Variants in HCN2 observed in about 807,000 individuals in gnomAD.
HCN2 encodes the protein potassium/sodium hyperpolarization-activated cyclic nucleotide-gated channel 2.
A neutral mutation model predicts 52.3 loss-of-function variants in HCN2; 20 were observed. That is an observed-to-expected ratio of 0.38 (90% CI 0.27 to 0.56). HCN2 has a LOEUF of 0.56. Among genes scored for constraint, HCN2 ranks in the 20% least tolerant of loss-of-function variants. HCN2 has a pLI of 0.71. For synonymous variants in HCN2, 694 were observed against 537.0 expected (o/e 1.29, Z -4.04); for missense variants, 981 against 1,207.7 (o/e 0.81, Z 2.78).
chr19:609,075 C>T (rs779830583), intron 4 of HCN2, among the ~76,000 whole-genome samples: 15 of 152,182 alleles, frequency 9.9e-5, no homozygotes, highest in South Asian at 4.1e-4. Context: ...TCCCGCGCCC[C>T]GAGCAGTGGC....
rs57373049 is a variant in HCN2, at chr19:591,355, G to A, written c.632+778G>A. On this transcript the variant is annotated intron_variant, in intron 1 of 7. Coordinates refer to ENST00000251287, the MANE Select transcript of HCN2 (RefSeq NM_001194.4). This position sits in a 1 kb window ranked among gnomAD's most constrained non-coding sequence, Gnocchi z 4.1. Reference sequence around the variant, plus strand: ...CCCGGGGCGCGAGCCTGTGGCCGGAGAGGTGTGTCTCCAGGAGTGTGTTTG... The same window carrying A: ...CCCGGGGCGCGAGCCTGTGGCCGGAAAGGTGTGTCTCCAGGAGTGTGTTTG... 27,582 of 152,322 alleles carry A rather than the reference G, an allele frequency of 0.18. 4,253 individuals carry two copies. The highest frequency in any genetic ancestry group is 0.42 in the African/African-American group (17,608 of 41,464). 9.4% of individuals were successfully genotyped at this position (152,322 alleles called of 1,614,324 possible). A position where few individuals can be genotyped will look rare whatever the true frequency, so the allele number is the denominator to read the frequency against.
chr19:609,116 G>A lies in HCN2; in HGVS notation c.1437+934G>A, dbSNP rs575607688. ...GGGTCAGCTGGGCCCCGTGCCAGGC[G>A]CCCTGCTGTCCGGAAGCCACGGGCC... On this transcript the variant is annotated intron_variant, in intron 4 of 7. Transcript: ENST00000251287. Among the ~76,000 whole-genome samples, 984 of 152,322 alleles carry A rather than the reference G, an allele frequency of 6.5e-3. 12 individuals are homozygous for A. Among genetic ancestry groups the A allele is most frequent in the African/African-American group, 0.023 (940 of 41,570 alleles).
intron 5 of HCN2, among the ~76,000 whole-genome samples, chr19:612,427 T>TGTGTGTGTGTGTGAGTGAGAGAGAGA: frequency 7.0e-6 from 1 of 142,256 alleles, no homozygotes; most frequent in Admixed American, 7.0e-5. Flanking sequence ...TGTGTGTGTG[T>TGTGTGTGTGTGTGAGTGAGAGAGAGA]GAGAGAGAGA....
chr19:610,926 C>CA (rs1983607822), intron 5 of HCN2, among the ~76,000 whole-genome samples: 7 of 152,304 alleles, frequency 4.6e-5, no homozygotes, highest in Middle Eastern at 3.4e-3. Flanking sequence ...CCCCCCGGAG[C>CA]CCCTGGGGAG....
chr19:617,065 A>G lies in HCN2; in HGVS notation c.*591A>G, dbSNP rs1303916296. On this transcript the variant is annotated 3_prime_UTR_variant, in exon 8 of 8. Transcript: ENST00000251287. ...TCCCGCCGCCGTGATGAATGTACTGACGAGCCGAGGCAGCAGTGCCCCCAC... is the reference window on the plus strand; with the variant it reads ...TCCCGCCGCCGTGATGAATGTACTGGCGAGCCGAGGCAGCAGTGCCCCCAC... 3.5e-6 allele frequency: 2 copies of G among 574,746 alleles called. No homozygotes were observed. Among genetic ancestry groups the G allele is most frequent in the South Asian group, 1.9e-5 (1 of 51,726 alleles). The allele number at this position is 574,746 out of a possible 1,614,324, so 35.6% of individuals were successfully genotyped here. A position where few individuals can be genotyped will look rare whatever the true frequency, so the allele number is the denominator to read the frequency against.
chr19:591,657 G>A lies in HCN2; in HGVS notation c.632+1080G>A, dbSNP rs1982877261. Among the ~76,000 whole-genome samples, 1 of 152,068 alleles carries A rather than the reference G, an allele frequency of 6.6e-6. No individual in the cohort carries two copies. The highest frequency in any genetic ancestry group is 2.1e-4 in the South Asian group (1 of 4,830). On this transcript the variant is annotated intron_variant, in intron 1 of 7. Coordinates refer to ENST00000251287, the MANE Select transcript of HCN2 (RefSeq NM_001194.4). This position sits in a 1 kb window ranked among gnomAD's most constrained non-coding sequence, Gnocchi z 4.1. ...CCGGGCTAGCGAGGCCGGGCGCGCGGGACGGGCGCGGTTTCAGCACCACGG... is the reference window on the plus strand; with the variant it reads ...CCGGGCTAGCGAGGCCGGGCGCGCGAGACGGGCGCGGTTTCAGCACCACGG...
intron 3 of HCN2, among the ~76,000 whole-genome samples, chr19:607,262 A>C (rs564246330): frequency 6.6e-6 from 1 of 152,352 alleles, no homozygotes; most frequent in South Asian, 2.1e-4. Flanking sequence ...TAGTTATGGG[A>C]GCCCTCGGCC....
rs1480718964 is a variant in HCN2 at position 616,507 on chromosome 19, C to T, written c.*33C>T. 9 of 1,189,194 alleles carry T rather than the reference C, an allele frequency of 7.6e-6. No homozygotes were observed. Among genetic ancestry groups the T allele is most frequent in the South Asian group, 2.5e-5 (1 of 39,926 alleles). The allele number at this position is 1,189,194 out of a possible 1,614,324, so 73.7% of individuals were successfully genotyped here. A position where few individuals can be genotyped will look rare whatever the true frequency, so the allele number is the denominator to read the frequency against. ...CGACCGCCCCGCGGGCCCAGGCGGG[C>T]CGGGGGCGGGGCCGTCATCCAGACC... On this transcript the variant is annotated 3_prime_UTR_variant, in exon 8 of 8. Coordinates refer to ENST00000251287, the MANE Select transcript of HCN2 (RefSeq NM_001194.4).
At position 590,603 on chromosome 19, in the gene HCN2, G is replaced by A. The variant is rs761862454; in HGVS notation, c.632+26G>A. ...GTACCGCCTCCGGGAGGGCCGGTCG[G>A]CGCGAGGGGGCCCGGGGAGCCGGGC... is the stretch of plus-strand genomic sequence containing the variant. On this transcript the variant is annotated intron_variant, in intron 1 of 7. Coordinates refer to ENST00000251287, the MANE Select transcript of HCN2 (RefSeq NM_001194.4). The surrounding 1 kb of genome is among the most constrained non-coding windows in gnomAD (Gnocchi z 7.2). 1.4e-5 allele frequency: 19 copies of A among 1,361,574 alleles called. 1 individual carries two copies. In the Admixed American group the frequency reaches 3.2e-4, roughly 23 times the overall value. 84.3% of individuals were successfully genotyped at this position (1,361,574 alleles called of 1,614,324 possible). A position where few individuals can be genotyped will look rare whatever the true frequency, so the allele number is the denominator to read the frequency against.
At chr19:599,422 C>G (rs766794029) in intron 1 of HCN2, among the ~76,000 whole-genome samples, 1 of 152,166 alleles carries the variant, frequency 6.6e-6, no homozygotes, top group African/African-American at 2.4e-5. Context: ...CTCAGCATCT[C>G]CTCCGAAAGG....
intron 5 of HCN2, among the ~76,000 whole-genome samples, chr19:610,876 C>T (rs1983603482): frequency 6.6e-6 from 1 of 152,194 alleles, no homozygotes; most frequent in Non-Finnish European, 1.5e-5. Flanking sequence ...GTCCTGGAGG[C>T]CGGAAGCCCA....
intron 4 of HCN2, among the ~76,000 whole-genome samples, chr19:609,062 C>T (rs1259002519): frequency 6.6e-6 from 1 of 152,210 alleles, no homozygotes; most frequent in Non-Finnish European, 1.5e-5. Context: ...AAGTGCCCCC[C>T]TCTCCCGCGC....
In HCN2 at chr19:613,983, G is replaced by C; in HGVS notation, c.1957G>C (p.Glu653Gln). 1 of 1,598,896 alleles carries C rather than the reference G, an allele frequency of 6.3e-7. No individual in the cohort carries two copies. The highest frequency in any genetic ancestry group is 8.5e-7 in the Non-Finnish European group (1 of 1,172,856). Reference sequence around the variant, plus strand: ...GTACCCCATGATGCGGCGCGCCTTCGAGACGGTGGCCATCGACCGCCTGGA... The same window carrying C: ...GTACCCCATGATGCGGCGCGCCTTCCAGACGGTGGCCATCGACCGCCTGGA... ...EEYPMMRRAF[E>Q]TVAIDRLDRI... is the part of the protein sequence containing the mutation. The change falls in exon 7 of 8, where the codon GAG (glutamate) becomes CAG (glutamine). Residue 653 changes from glutamate to glutamine, a missense_variant. Physicochemically the swap from Glu to Gln is conservative, Grantham distance 29 (BLOSUM62 2). Transcript: ENST00000251287.
At chr19:606,750 G>C (rs1206060298) in intron 3 of HCN2, among the ~76,000 whole-genome samples, 3 of 151,168 alleles carry the variant, frequency 2.0e-5, no homozygotes, top group African/African-American at 4.9e-5. Context: ...TACTGTAGAG[G>C]CTGAGGCAGG....
At chr19:612,427 T>TGTGTGTGTGTGTGTGTGAGAGA in intron 5 of HCN2, among the ~76,000 whole-genome samples, 76 of 142,350 alleles carry the variant, frequency 5.3e-4, no homozygotes, top group Non-Finnish European at 3.5e-4. Flanking sequence ...TGTGTGTGTG[T>TGTGTGTGTGTGTGTGTGAGAGA]GAGAGAGAGA....
In HCN2 at chr19:591,735, C is replaced by A. The variant is rs1400299873; in HGVS notation, c.632+1158C>A. On this transcript the variant is annotated intron_variant, in intron 1 of 7. Coordinates refer to ENST00000251287, the MANE Select transcript of HCN2 (RefSeq NM_001194.4). This position sits in a 1 kb window ranked among gnomAD's most constrained non-coding sequence, Gnocchi z 4.1. ...GGTTTTCCCGCCTGTCTCTCCTCCT[C>A]CAGGCCTGGGCGCCCCAGGACAGCC... Among the ~76,000 whole-genome samples, 1 of 152,156 alleles carries A rather than the reference C, an allele frequency of 6.6e-6. No individual in the cohort carries two copies. Among genetic ancestry groups the A allele is most frequent in the African/African-American group, 2.4e-5 (1 of 41,440 alleles).
intron 1 of HCN2, among the ~76,000 whole-genome samples, chr19:597,323 C>T (rs1266150875): frequency 2.6e-5 from 4 of 152,236 alleles, no homozygotes; most frequent in African/African-American, 9.6e-5. Flanking sequence ...TGCAGTCCCA[C>T]TTCCATCAGA....
At position 614,059 on chromosome 19, in the gene HCN2, G is replaced by GCC. The variant is rs747137825; in HGVS notation, c.1990+43_1990+44insCC. ...GTGGCCGGGGCGGGTGCCCTGGCGG[G>GCC]GGAGGGGCGTGGCCAAGGCATCAGG... On this transcript the variant is annotated intron_variant, in intron 7 of 7. Transcript: ENST00000251287. 1.2e-5 allele frequency: 18 copies of GCC among 1,468,658 alleles called. No individual in the cohort carries two copies. The African/African-American group carries it at 1.6e-4, about 13-fold the overall frequency. The allele number at this position is 1,468,658 out of a possible 1,614,324, so 91.0% of individuals were successfully genotyped here.
At chr19:612,558 C>T (rs1341793263) in intron 5 of HCN2, among the ~76,000 whole-genome samples, 5 of 151,892 alleles carry the variant, frequency 3.3e-5, no homozygotes, top group African/African-American at 7.3e-5. Context: ...GGATTACAGG[C>T]ACCCGCCACC....
Sources: allele counts gnomAD v4.1 joint callset (sites outside exome capture counted in the v4.1 genomes callset), GRCh38; gene constraint gnomAD v4.1.1; non-coding constraint Gnocchi (gnomAD v3.1); transcripts MANE v1.5; gene names NCBI Gene and HGNC (gene_info 2026-07-23, HGNC 2026-07-21).